TRDN: variants seen among roughly 807,000 people sequenced by gnomAD.
The protein encoded by TRDN is triadin in skeletal muscle.
In TRDN, 161 loss-of-function variants were observed where a neutral mutation model predicts 149.7. The ratio of observed to expected loss-of-function variants is 1.08; its 90% confidence interval spans 0.95 to 1.23. The LOEUF (loss-of-function observed/expected upper bound fraction) is 1.23. Ranked by LOEUF, TRDN falls within the 50% of genes most tolerant of loss-of-function variation. The pLI is 0.00. For missense variants in TRDN, 896 were observed against 823.5 expected (o/e 1.09, Z -1.08); for synonymous variants, 294 against 250.5 (o/e 1.17, Z -1.64).
At chr6:123,375,379 T>C (rs1781467623) in intron 19 of TRDN, among the ~76,000 whole-genome samples, 1 of 152,154 alleles carries the variant, frequency 6.6e-6, no homozygotes, top group Non-Finnish European at 1.5e-5. Flanking sequence ...AAAGGGGTTA[T>C]GATGTGGCCA....
intron 20 of TRDN, among the ~76,000 whole-genome samples, chr6:123,363,664 A>G (rs1488345214): frequency 6.6e-6 from 1 of 152,146 alleles, no homozygotes; most frequent in Non-Finnish European, 1.5e-5. Flanking sequence ...CCCAACCAAA[A>G]TGTTTGGCCA....
intron 4 of TRDN, among the ~76,000 whole-genome samples, chr6:123,544,839 C>T (rs1440354309): frequency 2.0e-5 from 3 of 151,818 alleles, no homozygotes. Context: ...TTATATATAA[C>T]AACAGATTCC....
chr6:123,227,718 C>T (rs1775433686), intron 38 of TRDN, among the ~76,000 whole-genome samples: 1 of 140,296 alleles, frequency 7.1e-6, no homozygotes, highest in South Asian at 2.4e-4. Context: ...GAGGCAAGGA[C>T]TTTTTTGTTT....
intron 33 of TRDN, among the ~76,000 whole-genome samples, chr6:123,261,518 A>G (rs1217224713): frequency 6.6e-6 from 1 of 151,738 alleles, no homozygotes; most frequent in Non-Finnish European, 1.5e-5. Context: ...TTTAAAAAAA[A>G]CTTTGTGTCA....
chr6:123,217,565 A>T lies in TRDN; in HGVS notation c.*1036T>A, dbSNP rs1459882418. ...GGATGCACTGTCGAGTAGATTAAAA[A>T]TTGTTATCCATGTCATTGGCACTGA... is the stretch of plus-strand genomic sequence containing the variant. On this transcript the variant is annotated 3_prime_UTR_variant, in exon 41 of 41. Transcript: ENST00000334268. The T allele has an allele frequency of 6.6e-6, 1 of 152,004 alleles. No individual in the cohort carries two copies. Among genetic ancestry groups the T allele is most frequent in the East Asian group, 1.9e-4 (1 of 5,150 alleles). The allele number at this position is 152,004 out of a possible 1,614,324, so 9.4% of individuals were successfully genotyped here.
At chr6:123,430,977 T>C (rs1220534210) in intron 12 of TRDN, among the ~76,000 whole-genome samples, 1 of 152,212 alleles carries the variant, frequency 6.6e-6, no homozygotes, top group African/African-American at 2.4e-5. Context: ...TAACAAGATA[T>C]CATAGTAAGT....
chr6:123,570,709 A>G (rs1419858385), intron 2 of TRDN, among the ~76,000 whole-genome samples: 1 of 152,182 alleles, frequency 6.6e-6, no homozygotes, highest in Non-Finnish European at 1.5e-5. Flanking sequence ...AAGGATATCA[A>G]TTTCATTGGA....
intron 35 of TRDN, among the ~76,000 whole-genome samples, chr6:123,258,399 T>C (rs1226594368): frequency 6.6e-6 from 1 of 152,062 alleles, no homozygotes; most frequent in East Asian, 1.9e-4. Flanking sequence ...TAATCATGTG[T>C]TTTTTGTCAT....
At chr6:123,350,426 A>G (rs1162360264) in intron 21 of TRDN, 13 of 599,638 alleles carry the variant, frequency 2.2e-5, no homozygotes, top group Non-Finnish European at 2.7e-5. Flanking sequence ...TAAACAAATA[A>G]ATAAAATAAA....
chr6:123,290,447 T>C (rs1287536595), intron 24 of TRDN, among the ~76,000 whole-genome samples: 1 of 152,196 alleles, frequency 6.6e-6, no homozygotes, highest in African/African-American at 2.4e-5. Context: ...GAGAATATTA[T>C]GTCTTCTAAA....
intron 5 of TRDN, among the ~76,000 whole-genome samples, chr6:123,518,213 AT>A (rs994040854): frequency 4.1e-4 from 63 of 152,166 alleles, no homozygotes; most frequent in African/African-American, 1.3e-3. Context: ...TTGAGATATT[AT>A]TTTTTTCCAC....
chr6:123,627,723 T>C (rs187578057), intron 1 of TRDN, among the ~76,000 whole-genome samples: 33 of 152,330 alleles, frequency 2.2e-4, no homozygotes, highest in East Asian at 1.9e-3. Flanking sequence ...TTAGTCTACA[T>C]TGAAAATGTG....
chr6:123,511,747 G>C (rs1779191733), intron 7 of TRDN, among the ~76,000 whole-genome samples: 1 of 152,102 alleles, frequency 6.6e-6, no homozygotes. Flanking sequence ...TTGTCACCTA[G>C]GCTTTGTGTT....
At chr6:123,334,828 G>A (rs1241204766) in intron 22 of TRDN, among the ~76,000 whole-genome samples, 1 of 151,980 alleles carries the variant, frequency 6.6e-6, no homozygotes, top group Non-Finnish European at 1.5e-5. Flanking sequence ...GATAAATGCA[G>A]CTCCAAATGA....
intron 23 of TRDN, among the ~76,000 whole-genome samples, chr6:123,326,236 C>T (rs1025390652): frequency 6.6e-6 from 1 of 152,078 alleles, no homozygotes; most frequent in Non-Finnish European, 1.5e-5. Flanking sequence ...AGTGTATCTC[C>T]AACCCAAATA....
intron 38 of TRDN, among the ~76,000 whole-genome samples, chr6:123,240,008 A>C (rs1337168619): frequency 1.3e-5 from 2 of 152,040 alleles, no homozygotes; most frequent in African/African-American, 4.8e-5. Flanking sequence ...CATAACATTA[A>C]GTAAAAAATT....
At chr6:123,354,683 A>T (rs1376514710) in intron 20 of TRDN, among the ~76,000 whole-genome samples, 1 of 151,854 alleles carries the variant, frequency 6.6e-6, no homozygotes, top group African/African-American at 2.4e-5. Context: ...AGAGGTTAAC[A>T]GACATAGAAG....
intron 12 of TRDN, chr6:123,411,937 AT>A (rs1421384661): frequency 6.6e-6 from 1 of 152,200 alleles, no homozygotes; most frequent in African/African-American, 2.4e-5. Flanking sequence ...CATGGGAAGG[AT>A]TTGGGACTTT....
chr6:123,548,819 C>G (rs563830441), intron 2 of TRDN, among the ~76,000 whole-genome samples: 2 of 151,798 alleles, frequency 1.3e-5, no homozygotes, highest in South Asian at 4.2e-4. Flanking sequence ...AGAAAATGCC[C>G]TTGGGAAGTT....
Sources: allele counts gnomAD v4.1 joint callset (sites outside exome capture counted in the v4.1 genomes callset), GRCh38; gene constraint gnomAD v4.1.1; transcripts MANE v1.5; gene names NCBI Gene and HGNC (gene_info 2026-07-23, HGNC 2026-07-21).